APBA1: variants seen among roughly 807,000 people sequenced by gnomAD.
The protein encoded by APBA1 is amyloid beta precursor protein binding family A member 1.
A neutral mutation model predicts 86.6 loss-of-function variants in APBA1; 55 were observed. That is an observed-to-expected ratio of 0.64 (90% CI 0.51 to 0.80). The LOEUF (loss-of-function observed/expected upper bound fraction) is 0.80, where lower values mean the gene tolerates loss of function less well. Ranked by LOEUF, APBA1 falls within the 30% of genes least tolerant of loss-of-function variation. The probability of loss-of-function intolerance (pLI) is 0.00; values close to 1 mark genes in which losing one functional copy is unlikely to be tolerated. For synonymous variants in APBA1, 511 were observed against 493.9 expected (o/e 1.03, Z -0.46); for missense variants, 1,090 against 1,183.0 (o/e 0.92, Z 1.15).
intron 2 of APBA1, among the ~76,000 whole-genome samples, chr9:69,512,182 T>C (rs544469038): frequency 1.3e-5 from 2 of 152,302 alleles, no homozygotes; most frequent in South Asian, 4.1e-4. Context: ...TTCTCAGGCA[T>C]ATATTTAGAA....
At chr9:69,606,658 A>AT (rs1822481222) in intron 1 of APBA1, among the ~76,000 whole-genome samples, 1 of 151,276 alleles carries the variant, frequency 6.6e-6, no homozygotes, top group Non-Finnish European at 1.5e-5. Context: ...CGCCCGGCTA[A>AT]TTTTTTTGTA....
intron 8 of APBA1, among the ~76,000 whole-genome samples, chr9:69,452,558 T>C (rs1162807636): frequency 1.3e-5 from 2 of 152,222 alleles, no homozygotes; most frequent in Non-Finnish European, 2.9e-5. Flanking sequence ...TCAGAGATGC[T>C]GAATATCCTG....
In APBA1 at chr9:69,610,154, C is replaced by CA. The variant is rs199595528; in HGVS notation, c.-70+61998dup. Among the ~76,000 whole-genome samples the CA allele has an allele frequency of 6.0e-3, 914 of 152,116 alleles. 9 individuals are homozygous for CA. Among genetic ancestry groups the CA allele is most frequent in the African/African-American group, 0.021 (864 of 41,492 alleles). ...GAAACATAGTGAGACTCTGTCTCCA[C>CA]AAAAAAATTTTTTTAATTAGCTAAG... is the stretch of plus-strand genomic sequence containing the variant. On this transcript the variant is annotated intron_variant, in intron 1 of 12. Transcript: ENST00000265381.
At chr9:69,626,564 A>G (rs1227625458) in intron 1 of APBA1, among the ~76,000 whole-genome samples, 1 of 152,184 alleles carries the variant, frequency 6.6e-6, no homozygotes, top group African/African-American at 2.4e-5. Flanking sequence ...CTGCATAAAC[A>G]AACATCTCCT....
chr9:69,539,065 T>C (rs1025396425), intron 1 of APBA1, among the ~76,000 whole-genome samples: 3 of 152,216 alleles, frequency 2.0e-5, no homozygotes, highest in African/African-American at 7.2e-5. Context: ...TCTCATTGGC[T>C]GGTTTCTCTT....
chr9:69,597,947 G>A (rs910942721), intron 1 of APBA1, among the ~76,000 whole-genome samples: 2 of 151,888 alleles, frequency 1.3e-5, no homozygotes, highest in African/African-American at 4.8e-5. Flanking sequence ...TATACCCAAA[G>A]GACTATAAAT....
At chr9:69,663,776 T>C (rs1823796235) in intron 1 of APBA1, among the ~76,000 whole-genome samples, 1 of 152,042 alleles carries the variant, frequency 6.6e-6, no homozygotes, top group Non-Finnish European at 1.5e-5. Context: ...TAGGGATTGG[T>C]TTTGCCACCA....
At chr9:69,589,101 C>A (rs141072533) in intron 1 of APBA1, among the ~76,000 whole-genome samples, 1 of 152,140 alleles carries the variant, frequency 6.6e-6, no homozygotes. Context: ...ACTACAGGCA[C>A]ACACCACCAT....
chr9:69,538,698 A>T (rs986728021), intron 1 of APBA1, among the ~76,000 whole-genome samples: 1 of 152,130 alleles, frequency 6.6e-6, no homozygotes, highest in African/African-American at 2.4e-5. Flanking sequence ...CTGATCCAAG[A>T]CTCTAAACTT....
Position 69,647,978 on chromosome 9 carries a change from G to T in APBA1, c.-70+24175C>A, listed in dbSNP as rs1388217540. 2.6e-5 allele frequency among the ~76,000 whole-genome samples: 4 copies of T among 152,242 alleles called. No homozygotes were observed. The South Asian group carries it at 8.3e-4, about 31-fold the overall frequency. ...AAAGGCAGGACTGCATGACTGGCAA[G>T]CTTTGGCTGTTGCTGCCTAGGTTGG... On this transcript the variant is annotated intron_variant, in intron 1 of 12. Transcript: ENST00000265381.
chr9:69,554,613 A>G (rs1836834202), intron 1 of APBA1, among the ~76,000 whole-genome samples: 1 of 152,172 alleles, frequency 6.6e-6, no homozygotes, highest in Non-Finnish European at 1.5e-5. Flanking sequence ...ACAAAGACCT[A>G]TGTGCTCATA....
chr9:69,580,666 CT>C (rs1821897240), intron 1 of APBA1, among the ~76,000 whole-genome samples: 1 of 152,170 alleles, frequency 6.6e-6, no homozygotes, highest in African/African-American at 2.4e-5. Flanking sequence ...CTGTAGGAAA[CT>C]TGCTGACAGG....
intron 1 of APBA1, among the ~76,000 whole-genome samples, chr9:69,554,381 A>C (rs1011234477): frequency 6.6e-6 from 1 of 152,182 alleles, no homozygotes; most frequent in African/African-American, 2.4e-5. Context: ...TCTAAAGCCC[A>C]CCCAATTCTC....
chr9:69,667,054 C>T (rs1057454898), intron 1 of APBA1, among the ~76,000 whole-genome samples: 1 of 152,124 alleles, frequency 6.6e-6, no homozygotes, highest in African/African-American at 2.4e-5. Context: ...TCTACCATTA[C>T]AGATAGAAAA....
intron 1 of APBA1, among the ~76,000 whole-genome samples, chr9:69,662,450 C>A (rs1042155287): frequency 6.6e-6 from 1 of 152,064 alleles, no homozygotes; most frequent in Admixed American, 6.6e-5. Flanking sequence ...AGCTAGCCTG[C>A]CATAAAGAAC....
At chr9:69,671,927 C>T (rs1269938297) in intron 1 of APBA1, among the ~76,000 whole-genome samples, 2 of 152,316 alleles carry the variant, frequency 1.3e-5, no homozygotes, top group South Asian at 2.1e-4. Flanking sequence ...CAGCGGGCAC[C>T]GGACCCCAGG....
chr9:69,582,536 C>A (rs1588376821), intron 1 of APBA1, among the ~76,000 whole-genome samples: 1 of 152,138 alleles, frequency 6.6e-6, no homozygotes, highest in East Asian at 1.9e-4. Flanking sequence ...TCCCATTCCA[C>A]CTCCCCAGTT....
At chr9:69,585,033 A>T (rs985051261) in intron 1 of APBA1, among the ~76,000 whole-genome samples, 4 of 152,190 alleles carry the variant, frequency 2.6e-5, no homozygotes, top group African/African-American at 9.7e-5. Context: ...ACATTTGTTC[A>T]CTCAACAAAC....
chr9:69,578,082 A>C (rs1173601512), intron 1 of APBA1, among the ~76,000 whole-genome samples: 1 of 152,216 alleles, frequency 6.6e-6, no homozygotes. Flanking sequence ...AAATTAGAAA[A>C]CATCGATCTT....
Sources: gnomAD v4.1 joint callset for allele counts (sites outside exome capture counted in the v4.1 genomes callset) on GRCh38, gnomAD v4.1.1 for gene constraint, MANE v1.5 for transcripts, NCBI Gene and HGNC (gene_info 2026-07-23, HGNC 2026-07-21) for gene names.